GRIN1: variants seen among roughly 807,000 people sequenced by gnomAD.
GRIN1 encodes the protein glutamate ionotropic receptor NMDA type subunit 1.
In GRIN1, 38 loss-of-function variants were observed where a neutral mutation model predicts 103.0. The ratio of observed to expected loss-of-function variants is 0.37; its 90% confidence interval spans 0.28 to 0.48. The LOEUF is 0.48. Ranked by LOEUF, GRIN1 falls within the 20% of genes least tolerant of loss-of-function variation. The pLI is 0.98. For missense variants in GRIN1, 577 were observed against 1,288.9 expected, an observed-to-expected ratio of 0.45 and a Z score of 8.46; for synonymous variants, 544 against 532.7, an observed-to-expected ratio of 1.02 and a Z score of -0.29.
intron 4 of GRIN1, among the ~76,000 whole-genome samples, chr9:137,151,780 C>T (rs986445415): frequency 1.3e-5 from 2 of 152,198 alleles, no homozygotes; most frequent in Non-Finnish European, 2.9e-5. Context: ...ATTCTCCTGC[C>T]TCAGCCTCCC....
At chr9:137,148,325 T>C (rs1564348101) in intron 3 of GRIN1, 2 of 699,090 alleles carry the variant, frequency 2.9e-6, no homozygotes, top group Non-Finnish European at 4.9e-6. Flanking sequence ...GCCCAAGCAA[T>C]GAGGAGAGGC....
At chr9:137,158,904 GC>G (rs1833382170) in intron 8 of GRIN1, among the ~76,000 whole-genome samples, 200 bp downstream of exon 8, 1 of 152,222 alleles carries the variant, frequency 6.6e-6, no homozygotes, top group African/African-American at 2.4e-5. Context: ...AGAGGAAGCT[GC>G]CCCCATCCCA....
Position 137,142,098 on chromosome 9 carries a change from G to A in GRIN1, c.344G>A (p.Arg115His), listed in dbSNP as rs774822539. Reference sequence around the variant, plus strand: ...GTCTCCTACACAGCCGGCTTCTACCGCATACCCGTGCTGGGGCTGACCACC... The same window carrying A: ...GTCTCCTACACAGCCGGCTTCTACCACATACCCGTGCTGGGGCTGACCACC... ...TPVSYTAGFY[R>H]IPVLGLTTRM... The change falls in exon 2 of 20, where the codon CGC becomes CAC. Residue 115 changes from arginine (R) to histidine (H), a missense_variant. By Grantham distance (29) the Arg-to-His change is conservative. Coordinates refer to ENST00000371561, the MANE Select transcript of GRIN1 (RefSeq NM_007327.4). The A allele has an allele frequency of 5.6e-6, 9 of 1,613,986 alleles. No individual in the cohort carries two copies. The highest frequency in any genetic ancestry group is 1.6e-4 in the Middle Eastern group (1 of 6,084).
Position 137,142,126 on chromosome 9 carries a change from C to A in GRIN1, c.372C>A (p.Arg124=), listed in dbSNP as rs1028765550. 1.9e-6 allele frequency: 3 copies of A among 1,614,084 alleles called. No homozygotes were observed. Among genetic ancestry groups the A allele is most frequent in the African/African-American group, 2.7e-5 (2 of 74,956 alleles). ...TACCCGTGCTGGGGCTGACCACCCG[C>A]ATGTCCATCTACTCGGACAAGGTAA... is the stretch of plus-strand genomic sequence containing the variant. ...YRIPVLGLTT[R]MSIYSDKSIH... is the part of the protein sequence containing the mutation. The change falls in exon 2 of 20, where the codon CGC becomes CGA. Residue 124 remains arginine (R), a synonymous_variant. Coordinates refer to ENST00000371561, the MANE Select transcript of GRIN1 (RefSeq NM_007327.4).
At chr9:137,147,956 C>T (rs1014106586) in intron 3 of GRIN1, among the ~76,000 whole-genome samples, 2 of 152,124 alleles carry the variant, frequency 1.3e-5, no homozygotes, top group African/African-American at 2.4e-5. Flanking sequence ...TCCACGGCCC[C>T]GCCCCTACGA....
intron 6 of GRIN1, among the ~76,000 whole-genome samples, chr9:137,157,607 G>T (rs1436242010): frequency 6.6e-6 from 1 of 152,172 alleles, no homozygotes; most frequent in South Asian, 2.1e-4. Flanking sequence ...AACAGCACAC[G>T]AGCCTTAGAC....
In GRIN1 at chr9:137,163,168, G is replaced by A; in HGVS notation, c.2172-1G>A. On this transcript the variant is annotated splice_acceptor_variant, in intron 15 of 19. Transcript: ENST00000371561. LOFTEE classifies it high-confidence loss of function. ...CCCCGTGACTCCGCCTCTGCCGGCAGCAAGCTGCATGCCTTCATCTGGGAC... is the reference window on the plus strand; with the variant it reads ...CCCCGTGACTCCGCCTCTGCCGGCAACAAGCTGCATGCCTTCATCTGGGAC... The A allele has an allele frequency of 1.9e-6, 3 of 1,612,982 alleles. No individual in the cohort carries two copies. The highest frequency in any genetic ancestry group is 1.1e-5 in the South Asian group (1 of 91,086).
chr9:137,139,160 G>C lies in GRIN1; in HGVS notation c.-327G>C, dbSNP rs532907371. On this transcript the variant is annotated 5_prime_UTR_variant, in exon 1 of 20. Coordinates refer to ENST00000371561, the MANE Select transcript of GRIN1 (RefSeq NM_007327.4). This position sits in a 1 kb window ranked among gnomAD's most constrained non-coding sequence, Gnocchi z 7.7. ...TCGCGTTTCTGCAGCTGCTGCAGTC[G>C]CCGCAGCGTCCGGACCGGAACCAGC... The C allele has an allele frequency of 5.8e-5, 9 of 154,656 alleles. No homozygotes were observed. The highest frequency in any genetic ancestry group is 1.9e-4 in the African/African-American group (8 of 41,588). The allele number at this position is 154,656 out of a possible 1,614,324, so 9.6% of individuals were successfully genotyped here.
At chr9:137,141,990 G>A (rs778634315) in intron 1 of GRIN1, 23 bp from the exon 2 acceptor site, 2 of 1,613,970 alleles carry the variant, frequency 1.2e-6, no homozygotes, top group Admixed American at 1.7e-5. Context: ...GACTCAAGCT[G>A]ATCATGTCTC....
Position 137,139,648 on chromosome 9 carries a change from C to T in GRIN1, c.162C>T (p.Gly54=), listed in dbSNP as rs1328297732. Residue 54 remains glycine (G), a synonymous_variant, in exon 1 of 20, where the codon GGC becomes GGT. Coordinates refer to ENST00000371561, the MANE Select transcript of GRIN1 (RefSeq NM_007327.4). The surrounding 1 kb of genome is among the most constrained non-coding windows in gnomAD (Gnocchi z 7.7). ...TGAACCAGGCCAACAAGCGGCACGG[C>T]TCCTGGAAGATTCAGCTCAATGCCA... ...EAVNQANKRH[G]SWKIQLNATS... 3.1e-6 allele frequency: 5 copies of T among 1,613,852 alleles called. No individual in the cohort carries two copies. Among genetic ancestry groups the T allele is most frequent in the African/African-American group, 1.3e-5 (1 of 75,064 alleles).
At chr9:137,147,482 GCACGCACA>G (rs1354951130) in intron 3 of GRIN1, among the ~76,000 whole-genome samples, 2 of 151,402 alleles carry the variant, frequency 1.3e-5, no homozygotes, top group Admixed American at 6.6e-5. Flanking sequence ...GCACACACAA[GCACGCACA>G]CACGCACATG....
chr9:137,152,473 C>G (rs1156878558), intron 4 of GRIN1, among the ~76,000 whole-genome samples: 3 of 152,230 alleles, frequency 2.0e-5, no homozygotes, highest in African/African-American at 7.2e-5. Flanking sequence ...TCCCTACATT[C>G]TAACTGGAGT....
At chr9:137,150,434 T>C (rs1161064406) in intron 4 of GRIN1, among the ~76,000 whole-genome samples, 7 of 90,882 alleles carry the variant, frequency 7.7e-5, no homozygotes, top group African/African-American at 1.4e-4. Context: ...CAGGGAAAGC[T>C]CCACCCAGAT....
In GRIN1 at chr9:137,162,246, G is replaced by C. The variant is rs1240509752; in HGVS notation, c.1707G>C (p.Ser569=). ...CACTGTGGCTGCTGGTGGGGCTGTC[G>C]GTGCACGTGGTGGCCGTGATGCTGT... ...QSTLWLLVGL[S]VHVVAVMLYL... Residue 569 remains serine (S), a synonymous_variant, in exon 12 of 20, where the codon TCG becomes TCC. Transcript: ENST00000371561. The C allele has an allele frequency of 6.5e-7, 1 of 1,544,636 alleles. No individual in the cohort carries two copies. The highest frequency in any genetic ancestry group is 2.4e-5 in the East Asian group (1 of 41,492).
At chr9:137,149,159 C>A in intron 4 of GRIN1, 50 bp downstream of exon 4, 1 of 1,211,100 alleles carries the variant, frequency 8.3e-7, no homozygotes, top group Non-Finnish European at 1.2e-6. Context: ...GTACCTGAGC[C>A]AAGTACCCGC....
intron 3 of GRIN1, among the ~76,000 whole-genome samples, chr9:137,147,336 GAC>G (rs1832599313): frequency 6.6e-6 from 1 of 151,568 alleles, no homozygotes; most frequent in East Asian, 2.0e-4. Flanking sequence ...CACACACCTG[GAC>G]ACACGCTCAG....
At chr9:137,141,075 C>T (rs919593602) in intron 1 of GRIN1, among the ~76,000 whole-genome samples, 4 of 152,184 alleles carry the variant, frequency 2.6e-5, no homozygotes, top group African/African-American at 4.8e-5. Context: ...CTTCAACTCA[C>T]GCCCATGTTG....
intron 10 of GRIN1, 90 bp downstream of exon 10, chr9:137,161,506 A>T: frequency 2.2e-6 from 2 of 903,494 alleles, no homozygotes; most frequent in Non-Finnish European, 3.2e-6. Flanking sequence ...CGGGGCTTGC[A>T]GATGGTGGGG....
At chr9:137,164,113 G>C (rs1278770203) in intron 18 of GRIN1, 2 of 644,832 alleles carry the variant, frequency 3.1e-6, no homozygotes, top group Non-Finnish European at 5.5e-6. Flanking sequence ...CTGCAAAGCC[G>C]GGGCCGAGGG....
Sources: allele counts gnomAD v4.1 joint callset (sites outside exome capture counted in the v4.1 genomes callset), GRCh38; gene constraint gnomAD v4.1.1; non-coding constraint Gnocchi (gnomAD v3.1); transcripts MANE v1.5; gene names NCBI Gene and HGNC (gene_info 2026-07-23, HGNC 2026-07-21).